RASAL2: variants seen among roughly 807,000 people sequenced by gnomAD.
The protein encoded by RASAL2 is RAS protein activator like 2.
Under a neutral mutation model 128.9 loss-of-function variants are expected in RASAL2, and 58 were observed. The ratio of observed to expected loss-of-function variants is 0.45; its 90% CI spans 0.36 to 0.56. The LOEUF is 0.56. Among genes scored for constraint, RASAL2 ranks in the 20% least tolerant of loss-of-function variants. RASAL2 has a pLI of 0.00. For synonymous variants in RASAL2, 561 were observed against 580.8 expected, an observed-to-expected ratio of 0.97 and a Z score of 0.49; for missense variants, 1,360 against 1,601.6, an observed-to-expected ratio of 0.85 and a Z score of 2.57.
chr1:178,217,132 C>T (rs1663448571), intron 1 of RASAL2, among the ~76,000 whole-genome samples: 1 of 152,030 alleles, frequency 6.6e-6, no homozygotes, highest in South Asian at 2.1e-4. Context: ...CGCACCACCA[C>T]GCCTGGCTAA....
chr1:178,283,502 A>G, intron 1 of RASAL2, 62 bp from the exon 2 acceptor site: 1 of 1,556,622 alleles, frequency 6.4e-7, no homozygotes, highest in South Asian at 1.2e-5. Context: ...TTACATTTGA[A>G]ATACTGGTTT....
intron 1 of RASAL2, among the ~76,000 whole-genome samples, chr1:178,095,135 A>G (rs1658626634): frequency 6.6e-6 from 1 of 152,164 alleles, no homozygotes; most frequent in Admixed American, 6.5e-5. Flanking sequence ...AAAAATGCAA[A>G]CTATGTATTT....
At chr1:178,317,885 A>G (rs1668564867) in intron 3 of RASAL2, among the ~76,000 whole-genome samples, 2 of 151,626 alleles carry the variant, frequency 1.3e-5, no homozygotes, top group Admixed American at 1.3e-4. Context: ...TTGTGATGTT[A>G]GGGTGTCAAT....
intron 3 of RASAL2, among the ~76,000 whole-genome samples, chr1:178,312,941 G>A: frequency 6.6e-6 from 1 of 152,138 alleles, no homozygotes; most frequent in East Asian, 1.9e-4. Context: ...AACCCAAGAG[G>A]TAGATAATGT....
rs995413579 is a variant in RASAL2 at position 178,094,412 on chromosome 1, C to T, written c.-81C>T. The T allele has an allele frequency of 1.9e-5, 26 of 1,334,678 alleles. No individual in the cohort carries two copies. Among genetic ancestry groups the T allele is most frequent in the African/African-American group, 1.6e-4 (11 of 66,904 alleles). 82.7% of individuals were successfully genotyped at this position (1,334,678 alleles called of 1,614,324 possible). ...CCCTCGCTGCGCGCTCTCCTCCTCCCCTTACCGCAGGCAGGGCGCGGAGCC... is the reference window on the plus strand; with the variant it reads ...CCCTCGCTGCGCGCTCTCCTCCTCCTCTTACCGCAGGCAGGGCGCGGAGCC... On this transcript the variant is annotated 5_prime_UTR_variant, in exon 1 of 18. Coordinates refer to ENST00000367649, the MANE Select transcript of RASAL2 (RefSeq NM_170692.4).
chr1:178,242,626 AC>A (rs1664567678), intron 1 of RASAL2, among the ~76,000 whole-genome samples: 1 of 152,042 alleles, frequency 6.6e-6, no homozygotes, highest in African/African-American at 2.4e-5. Context: ...CTGTAGGTTT[AC>A]GTCTTTTGCC....
At chr1:178,185,654 A>G (rs905931055) in intron 1 of RASAL2, among the ~76,000 whole-genome samples, 1 of 151,392 alleles carries the variant, frequency 6.6e-6, no homozygotes, top group Non-Finnish European at 1.5e-5. Flanking sequence ...TGATTATATG[A>G]TTTTTCTTCT....
At chr1:178,260,120 A>T (rs1338760853) in intron 1 of RASAL2, among the ~76,000 whole-genome samples, 1 of 151,020 alleles carries the variant, frequency 6.6e-6, no homozygotes, top group African/African-American at 2.4e-5. Context: ...TGGGAAGCCG[A>T]GGTGGGTGGA....
At chr1:178,175,697 C>A (rs1661862991) in intron 1 of RASAL2, among the ~76,000 whole-genome samples, 1 of 151,718 alleles carries the variant, frequency 6.6e-6, no homozygotes, top group African/African-American at 2.4e-5. Flanking sequence ...ACCCCACTCC[C>A]AACCTCCGCC....
chr1:178,282,107 A>G (rs761533435), intron 1 of RASAL2, among the ~76,000 whole-genome samples: 1 of 152,196 alleles, frequency 6.6e-6, no homozygotes, highest in Non-Finnish European at 1.5e-5. Flanking sequence ...AATGCTGTGC[A>G]TAGTGCGGAG....
intron 1 of RASAL2, 72 bp downstream of exon 1, chr1:178,094,766 C>T (rs1658609482): frequency 1.3e-6 from 2 of 1,561,136 alleles, no homozygotes; most frequent in Non-Finnish European, 1.8e-6. Context: ...TTCCCTAAGT[C>T]ACAGGCTCAT....
chr1:178,411,543 A>G lies in RASAL2; in HGVS notation c.565-8968A>G, dbSNP rs1674385604. 14 of 606,394 alleles carry G rather than the reference A, an allele frequency of 2.3e-5. No individual in the cohort carries two copies. In the South Asian group the frequency reaches 2.4e-4, roughly 10 times the overall value. The allele number at this position is 606,394 out of a possible 1,614,324, so 37.6% of individuals were successfully genotyped here. A position where few individuals can be genotyped will look rare whatever the true frequency, so the allele number is the denominator to read the frequency against. On this transcript the variant is annotated intron_variant, in intron 4 of 17. Transcript: ENST00000367649. ...AGACATGACCTATTCCCCTAAAACTATTGAATAAAAATAAAAATTTGATTT... is the reference window on the plus strand; with the variant it reads ...AGACATGACCTATTCCCCTAAAACTGTTGAATAAAAATAAAAATTTGATTT...
rs3042591 is a variant in RASAL2, at chr1:178,439,998, C to CATCT, written c.828+426_828+427insTATC. Reference sequence around the variant, plus strand: ...CCATCCATCCATCCATCCATCCATCCATCCATCCATCCTAATTCCAGGACA... The same window carrying CATCT: ...CCATCCATCCATCCATCCATCCATCCATCTATCCATCCATCCTAATTCCAGGACA... On this transcript the variant is annotated intron_variant, in intron 6 of 17. Transcript: ENST00000367649. Among the ~76,000 whole-genome samples, 116 of 150,906 alleles carry CATCT rather than the reference C, an allele frequency of 7.7e-4. No homozygotes were observed. The Middle Eastern group carries it at 0.021, about 27-fold the overall frequency.
chr1:178,384,131 T>G (rs1483974501), intron 3 of RASAL2, among the ~76,000 whole-genome samples: 1 of 152,206 alleles, frequency 6.6e-6, no homozygotes, highest in African/African-American at 2.4e-5. Context: ...TTTACATTTA[T>G]TCATGTTTTA....
intron 1 of RASAL2, among the ~76,000 whole-genome samples, chr1:178,123,387 AT>A (rs1659783767): frequency 6.6e-6 from 1 of 152,218 alleles, no homozygotes; most frequent in Admixed American, 6.5e-5. Context: ...CATTTCATTT[AT>A]TAGTTTCTCC....
chr1:178,452,526 GT>G lies in RASAL2; in HGVS notation c.1887del (p.Leu630CysfsTer26). On this transcript the variant is annotated frameshift_variant, in exon 11 of 18. Coordinates refer to ENST00000367649, the MANE Select transcript of RASAL2 (RefSeq NM_170692.4). LOFTEE classifies it high-confidence loss of function. ...CTCATCAGTGCCTCATTATTTCTCCGTTTTCTGTGTCCAGCCATTATGTCTC... is the reference window on the plus strand; with the variant it reads ...CTCATCAGTGCCTCATTATTTCTCCGTTTCTGTGTCCAGCCATTATGTCTC... Reference protein sequence around the residue: ...ERLISASLFLRFLCPAIMSPS... With the variant: ...ERLISASLFLXFLCPAIMSPS... 1 of 1,614,000 alleles carries G rather than the reference GT, an allele frequency of 6.2e-7. No homozygotes were observed. Among genetic ancestry groups the G allele is most frequent in the Non-Finnish European group, 8.5e-7 (1 of 1,179,958 alleles).
intron 3 of RASAL2, chr1:178,389,351 C>A: frequency 1.4e-6 from 1 of 692,514 alleles, no homozygotes; most frequent in Non-Finnish European, 1.8e-6. Flanking sequence ...CGTGTGTATG[C>A]ATATATATAT....
At position 178,251,206 on chromosome 1, in the gene RASAL2, G is replaced by A. The variant is rs530058621; in HGVS notation, c.203-32358G>A. ...TAGGAGAATCTTGCCATCTGCCTAC[G>A]TCATGGGAGATCGTAAAGAAAATGA... On this transcript the variant is annotated intron_variant, in intron 1 of 17. Coordinates refer to ENST00000367649, the MANE Select transcript of RASAL2 (RefSeq NM_170692.4). Among the ~76,000 whole-genome samples, 141 of 152,220 alleles carry A rather than the reference G, an allele frequency of 9.3e-4. 7 individuals carry two copies. In the South Asian group the frequency reaches 0.028, roughly 30 times the overall value.
chr1:178,445,654 A>G lies in RASAL2; in HGVS notation c.1619A>G (p.Asp540Gly). ...TTGGTGGGACAACAGTATCTTCATG[A>G]CGCACTGGGTATGAAAGAGAAAAAC... Reference protein sequence around the residue: ...LKLVGQQYLHDALGEFIKALY... With the variant: ...LKLVGQQYLHGALGEFIKALY... Residue 540 changes from aspartate (D) to glycine (G), a missense_variant, in exon 9 of 18, where the codon GAC becomes GGC. Coordinates refer to ENST00000367649, the MANE Select transcript of RASAL2 (RefSeq NM_170692.4). 1 of 1,611,716 alleles carries G rather than the reference A, an allele frequency of 6.2e-7. No homozygotes were observed. The highest frequency in any genetic ancestry group is 8.5e-7 in the Non-Finnish European group (1 of 1,179,160).
Sources: allele counts gnomAD v4.1 joint callset (sites outside exome capture counted in the v4.1 genomes callset), GRCh38; gene constraint gnomAD v4.1.1; transcripts MANE v1.5; gene names NCBI Gene and HGNC (gene_info 2026-07-23, HGNC 2026-07-21).